The following MACROD2 variants were observed in gnomAD, a reference collection of about 807,000 sequenced individuals.
MACROD2 encodes the protein mono-ADP ribosylhydrolase 2, also known as ADP-ribose glycohydrolase MACROD2.
A neutral mutation model predicts 70.4 loss-of-function variants in MACROD2; 36 were observed. The observed-to-expected ratio is 0.51, with a 90% CI of 0.39 to 0.68. The LOEUF (loss-of-function observed/expected upper bound fraction) is 0.68. Ranked by LOEUF, MACROD2 falls within the 30% of genes least tolerant of loss-of-function variation. The pLI, the probability that MACROD2 is intolerant of heterozygous loss-of-function variation, is 0.00. For synonymous variants in MACROD2, 172 were observed against 178.8 expected (o/e 0.96, Z 0.30); for missense variants, 496 against 538.4 (o/e 0.92, Z 0.78).
chr20:14,289,841 C>G (rs1474483844), intron 3 of MACROD2, among the ~76,000 whole-genome samples: 1 of 152,172 alleles, frequency 6.6e-6, no homozygotes, highest in Non-Finnish European at 1.5e-5. Flanking sequence ...ATGCCTGACT[C>G]TGCTTTTCCT....
intron 5 of MACROD2, among the ~76,000 whole-genome samples, chr20:15,062,083 A>G (rs1357024271): frequency 6.6e-6 from 1 of 152,196 alleles, no homozygotes; most frequent in East Asian, 1.9e-4. Flanking sequence ...TCACTTGCTA[A>G]CATACCTTAT....
At chr20:15,702,783 T>C (rs1418595028) in intron 8 of MACROD2, among the ~76,000 whole-genome samples, 1 of 152,164 alleles carries the variant, frequency 6.6e-6, no homozygotes, top group Non-Finnish European at 1.5e-5. Flanking sequence ...AAAAAACTAT[T>C]CTAAAGTTCA....
At chr20:14,548,436 T>TTAGTTTTTTTTTTTTAGATTA (rs1600372007) in intron 4 of MACROD2, among the ~76,000 whole-genome samples, 15 of 92,082 alleles carry the variant, frequency 1.6e-4, no homozygotes, top group South Asian at 4.6e-4. Context: ...ATACATTATC[T>TTAGTTTTTTTTTTTTAGATTA]GGCCGGGCGC....
chr20:14,313,397 T>C (rs1015117772), intron 3 of MACROD2, among the ~76,000 whole-genome samples: 2 of 151,802 alleles, frequency 1.3e-5, no homozygotes, highest in Admixed American at 6.6e-5. Context: ...CACACAATTA[T>C]TAAAGATTTA....
chr20:15,599,483 C>CA (rs1450811940), intron 8 of MACROD2, among the ~76,000 whole-genome samples: 1 of 152,114 alleles, frequency 6.6e-6, no homozygotes, highest in Non-Finnish European at 1.5e-5. Flanking sequence ...GGTCAAACAC[C>CA]AATAACTGTT....
At chr20:14,130,930 G>GTTTTTTTTTTTTTTTTTT (rs11087075) in intron 3 of MACROD2, among the ~76,000 whole-genome samples, 1 of 109,654 alleles carries the variant, frequency 9.1e-6, no homozygotes. Flanking sequence ...TGTTTTTTTT[G>GTTTTTTTTTTTTTTTTTT]TTTTTTTTTT....
chr20:15,275,348 A>G (rs927185229), intron 6 of MACROD2, among the ~76,000 whole-genome samples: 4 of 152,216 alleles, frequency 2.6e-5, no homozygotes, highest in Non-Finnish European at 5.9e-5. Context: ...TCATCCTAAC[A>G]ACAATGGGGA....
At chr20:14,516,912 A>T (rs2085107052) in intron 4 of MACROD2, among the ~76,000 whole-genome samples, 1 of 152,256 alleles carries the variant, frequency 6.6e-6, no homozygotes, top group African/African-American at 2.4e-5. Context: ...GAAGACGTTT[A>T]TGCAGCCAAC....
At position 15,915,678 on chromosome 20, in the gene MACROD2, G is replaced by C. The variant is rs564224970; in HGVS notation, c.776-17598G>C. Among the ~76,000 whole-genome samples the C allele has an allele frequency of 2.6e-5, 4 of 152,298 alleles. No homozygotes were observed. In the East Asian group the frequency reaches 7.7e-4, roughly 29 times the overall value. ...TTTTGAGCCAAAGGCACAGGGGTGT[G>C]GGGGTGTAGGGAGGCAGGTTGGGAT... On this transcript the variant is annotated intron_variant, in intron 10 of 17. Transcript: ENST00000684519.
chr20:14,312,232 G>A (rs1381771877), intron 3 of MACROD2, among the ~76,000 whole-genome samples: 1 of 152,106 alleles, frequency 6.6e-6, no homozygotes, highest in Non-Finnish European at 1.5e-5. Context: ...GACCTGCTCA[G>A]TTACAATCTC....
At chr20:14,226,593 GCACT>G (rs1185171006) in intron 3 of MACROD2, among the ~76,000 whole-genome samples, 1 of 152,180 alleles carries the variant, frequency 6.6e-6, no homozygotes, top group Non-Finnish European at 1.5e-5. Flanking sequence ...GGCGGGCCGC[GCACT>G]CGGAGCAGCC....
intron 3 of MACROD2, among the ~76,000 whole-genome samples, chr20:14,401,498 T>G (rs928475243): frequency 2.6e-5 from 4 of 152,196 alleles, no homozygotes; most frequent in Non-Finnish European, 5.9e-5. Context: ...CACACAGATA[T>G]TGTATTTTTT....
chr20:14,582,184 A>G (rs1981072461), intron 4 of MACROD2, among the ~76,000 whole-genome samples: 1 of 152,178 alleles, frequency 6.6e-6, no homozygotes, highest in East Asian at 1.9e-4. Context: ...ATACAAGCTA[A>G]GACAGTATGA....
chr20:14,820,639 A>G (rs1301203579), intron 5 of MACROD2, among the ~76,000 whole-genome samples: 1 of 151,962 alleles, frequency 6.6e-6, no homozygotes, highest in African/African-American at 2.4e-5. Context: ...TGTTTATTTT[A>G]ATCTTGTATT....
intron 3 of MACROD2, among the ~76,000 whole-genome samples, chr20:14,436,766 CA>C (rs1568611121): frequency 1.3e-5 from 2 of 152,138 alleles, no homozygotes; most frequent in African/African-American, 2.4e-5. Context: ...TCTTCTTTGC[CA>C]ATTTAACTCA....
chr20:15,757,604 T>A (rs6043520), intron 8 of MACROD2, among the ~76,000 whole-genome samples: 63 of 152,092 alleles, frequency 4.1e-4, no homozygotes, highest in African/African-American at 1.5e-3. Flanking sequence ...GCTACTATAA[T>A]AAAATACAAT....
chr20:14,722,327 G>A (rs1407662693), intron 5 of MACROD2, among the ~76,000 whole-genome samples: 1 of 152,174 alleles, frequency 6.6e-6, no homozygotes, highest in Admixed American at 6.5e-5. Flanking sequence ...GGGAAAAAAG[G>A]CATAGATATG....
intron 8 of MACROD2, among the ~76,000 whole-genome samples, chr20:15,674,548 A>G (rs1457725753): frequency 6.6e-6 from 1 of 152,070 alleles, no homozygotes; most frequent in East Asian, 1.9e-4. Context: ...TGCCCTTCTC[A>G]GTCCCCATAA....
At chr20:15,077,319 A>G (rs533151724) in intron 5 of MACROD2, among the ~76,000 whole-genome samples, 9 of 152,148 alleles carry the variant, frequency 5.9e-5, no homozygotes, top group Non-Finnish European at 8.8e-5. Flanking sequence ...CCACAGGTAA[A>G]GGGTCTTATG....
Sources: gnomAD v4.1 joint callset for allele counts (sites outside exome capture counted in the v4.1 genomes callset) on GRCh38, gnomAD v4.1.1 for gene constraint, MANE v1.5 for transcripts, NCBI Gene and HGNC (gene_info 2026-07-23, HGNC 2026-07-21) for gene names.